The following SLC10A1 variants were observed in gnomAD, a reference collection of about 807,000 sequenced individuals.
SLC10A1 encodes solute carrier family 10 member 1.
Under a neutral mutation model 20.5 loss-of-function variants are expected in SLC10A1, and 36 were observed. The observed-to-expected ratio is 1.75, with a 90% CI of 1.34 to 2.32. SLC10A1 has a LOEUF of 2.32. SLC10A1 is among the 30% of genes most tolerant of loss of function. The pLI, the probability that SLC10A1 is intolerant of heterozygous loss-of-function variation, is 0.00. For missense variants in SLC10A1, 545 were observed against 439.1 expected (o/e 1.24, Z -2.16); for synonymous variants, 188 against 163.6 (o/e 1.15, Z -1.14).
intron 2 of SLC10A1, among the ~76,000 whole-genome samples, chr14:69,785,117 C>T (rs2139716160): frequency 6.6e-6 from 1 of 152,050 alleles, no homozygotes; most frequent in South Asian, 2.1e-4. Context: ...TTCCTGAGGA[C>T]CAGGATGACC....
At position 69,778,524 on chromosome 14, in the gene SLC10A1, C is replaced by T. The variant is rs1883508063; in HGVS notation, c.752G>A (p.Arg251Lys). Residue 251 changes from arginine (R) to lysine (K), a missense_variant, in exon 4 of 5, where the codon AGA becomes AAA. Coordinates refer to ENST00000216540, the MANE Select transcript of SLC10A1 (RefSeq NM_003049.4). ...TCCAGTCTCCATGCTGACAGTGCGT[C>T]TGCACCTGTGCCGGTGAAGAAAACC... ...SALFCLNGRCRRTVSMETGCQ... is the reference protein window; with the variant it reads ...SALFCLNGRCKRTVSMETGCQ... 2 of 1,600,332 alleles carry T rather than the reference C, an allele frequency of 1.2e-6. No individual in the cohort carries two copies. Among genetic ancestry groups the T allele is most frequent in the Non-Finnish European group, 1.7e-6 (2 of 1,174,476 alleles).
intron 1 of SLC10A1, among the ~76,000 whole-genome samples, chr14:69,795,603 G>A (rs1882373209): frequency 6.6e-6 from 1 of 151,924 alleles, no homozygotes; most frequent in South Asian, 2.1e-4. Flanking sequence ...TGTAGACACA[G>A]GGTTTTGCTA....
At chr14:69,788,388 C>A (rs1883771492) in intron 1 of SLC10A1, among the ~76,000 whole-genome samples, 1 of 152,004 alleles carries the variant, frequency 6.6e-6, no homozygotes, top group Non-Finnish European at 1.5e-5. Flanking sequence ...AAAGCACGAA[C>A]AGCCAAAGAA....
intron 1 of SLC10A1, among the ~76,000 whole-genome samples, chr14:69,796,595 T>C (rs1229781143): frequency 6.6e-6 from 1 of 152,168 alleles, no homozygotes; most frequent in Non-Finnish European, 1.5e-5. Flanking sequence ...TCCCTTTGGC[T>C]TGGTGCCTAA....
At chr14:69,783,370 C>T (rs902059840) in intron 2 of SLC10A1, among the ~76,000 whole-genome samples, 1 of 152,130 alleles carries the variant, frequency 6.6e-6, no homozygotes, top group Non-Finnish European at 1.5e-5. Flanking sequence ...CAGGGGTTAG[C>T]TGGAGTGTTG....
chr14:69,779,252 A>T lies in SLC10A1; in HGVS notation c.676T>A (p.Ser226Thr). ...FAMTPLLIAT[S>T]SLMPFIGFLL... is the part of the protein sequence containing the mutation. ...AAGCCAATAAAAGGCATCAGGGAGG[A>T]GGTGGCAATCAAGAGTGGTGTCATG... The change falls in exon 3 of 5, where the codon TCC becomes ACC. Residue 226 changes from serine (S) to threonine (T), a missense_variant. By Grantham distance (58) the Ser-to-Thr change is moderately conservative. Transcript: ENST00000216540. The T allele has an allele frequency of 6.2e-7, 1 of 1,613,860 alleles. No homozygotes were observed. The highest frequency in any genetic ancestry group is 8.5e-7 in the Non-Finnish European group (1 of 1,179,928).
rs746231283 is a variant in SLC10A1, at chr14:69,797,097, T to A, written c.59A>T (p.Lys20Met). The change falls in exon 1 of 5, where the codon AAG becomes ATG. Residue 20 changes from lysine to methionine, a missense_variant. Coordinates refer to ENST00000216540, the MANE Select transcript of SLC10A1 (RefSeq NM_003049.4). ...FNFTLPPNFG[K>M]RPTDLALSVI... is the part of the protein sequence containing the mutation. ...GCTCAGTGCCAGGTCTGTGGGGCGC[T>A]TGCCAAAGTTGGGTGGCAGGGTGAA... 6.2e-7 allele frequency: 1 copy of A among 1,614,024 alleles called. No individual in the cohort carries two copies. The highest frequency in any genetic ancestry group is 1.1e-5 in the South Asian group (1 of 91,074).
rs190268737 is a variant in SLC10A1, at chr14:69,779,233, A to G, written c.695T>C (p.Ile232Thr). The G allele has an allele frequency of 4.0e-5, 64 of 1,613,982 alleles. 1 individual carries two copies. In the Admixed American group the frequency reaches 1.1e-3, roughly 26 times the overall value. The change falls in exon 3 of 5, where the codon ATT becomes ACT. Residue 232 changes from isoleucine (I) to threonine (T), a missense_variant. Transcript: ENST00000216540. ...GAGAACATAACCCAGCAGAAAGCCA[A>G]TAAAAGGCATCAGGGAGGAGGTGGC... is the stretch of plus-strand genomic sequence containing the variant. ...LIATSSLMPF[I>T]GFLLGYVLSA...
At chr14:69,778,945 A>G (rs1883517482) in intron 3 of SLC10A1, among the ~76,000 whole-genome samples, 1 of 152,154 alleles carries the variant, frequency 6.6e-6, no homozygotes, top group Admixed American at 6.5e-5. Context: ...CAGGTGGATC[A>G]CTTGAGCTCA....
chr14:69,782,526 G>T (rs971085111), intron 2 of SLC10A1, among the ~76,000 whole-genome samples: 1 of 152,142 alleles, frequency 6.6e-6, no homozygotes, highest in East Asian at 1.9e-4. Context: ...TGAGATTCTC[G>T]GCAAGGTGTG....
At chr14:69,776,578 A>G (rs1241222305) in intron 4 of SLC10A1, among the ~76,000 whole-genome samples, 190 bp from the exon 5 acceptor site, 1 of 152,188 alleles carries the variant, frequency 6.6e-6, no homozygotes, top group Non-Finnish European at 1.5e-5. Flanking sequence ...CCCTAATGGT[A>G]GTACTAGTAG....
chr14:69,787,089 C>G lies in SLC10A1; in HGVS notation c.357-782G>C, dbSNP rs1300597515. On this transcript the variant is annotated intron_variant, in intron 1 of 4. Coordinates refer to ENST00000216540, the MANE Select transcript of SLC10A1 (RefSeq NM_003049.4). ...CATGTTGAGTAAGTGACAAGATAAC[C>G]TGGTCAGATTTGCTTTGCATCTTGG... 2.6e-5 allele frequency among the ~76,000 whole-genome samples: 4 copies of G among 152,266 alleles called. No homozygotes were observed. In the East Asian group the frequency reaches 7.7e-4, roughly 29 times the overall value.
At chr14:69,782,524 T>G (rs149391980) in intron 2 of SLC10A1, among the ~76,000 whole-genome samples, 1,752 of 152,288 alleles carry the variant, frequency 0.012, 37 homozygotes, top group African/African-American at 0.04. Flanking sequence ...TCTGAGATTC[T>G]CGGCAAGGTG....
At chr14:69,781,204 A>G (rs1236462424) in intron 2 of SLC10A1, among the ~76,000 whole-genome samples, 2 of 152,182 alleles carry the variant, frequency 1.3e-5, no homozygotes, top group African/African-American at 4.8e-5. Context: ...TTAACATTCT[A>G]GAGGTTCCTG....
At chr14:69,777,181 A>G (rs898883257) in intron 4 of SLC10A1, among the ~76,000 whole-genome samples, 2 of 152,180 alleles carry the variant, frequency 1.3e-5, no homozygotes, top group African/African-American at 2.4e-5. Context: ...GAGGGCAGCA[A>G]ATCTCTTGCG....
At chr14:69,790,071 A>G (rs886613894) in intron 1 of SLC10A1, among the ~76,000 whole-genome samples, 1 of 152,144 alleles carries the variant, frequency 6.6e-6, no homozygotes, top group African/African-American at 2.4e-5. Context: ...CATTAAGGAC[A>G]TTTTCATACT....
chr14:69,789,037 T>C (rs549077161), intron 1 of SLC10A1, among the ~76,000 whole-genome samples: 30 of 152,332 alleles, frequency 2.0e-4, no homozygotes, highest in African/African-American at 7.0e-4. Context: ...TCTACTAGCA[T>C]GGCTATAATT....
At chr14:69,788,269 A>G (rs1057040160) in intron 1 of SLC10A1, among the ~76,000 whole-genome samples, 2 of 152,170 alleles carry the variant, frequency 1.3e-5, no homozygotes, top group African/African-American at 4.8e-5. Context: ...TATATCATCA[A>G]ATATGAAATC....
chr14:69,786,308 C>T lies in SLC10A1; in HGVS notation c.357-1G>A, dbSNP rs748759248. 6 of 1,613,468 alleles carry T rather than the reference C, an allele frequency of 3.7e-6. No homozygotes were observed. The Admixed American group carries it at 6.7e-5, about 18-fold the overall frequency. ...GGTGGAGCAGGTGGTCATCACAATGCTGGTGGGAGACATGGGAAGAGGGGA... is the reference window on the plus strand; with the variant it reads ...GGTGGAGCAGGTGGTCATCACAATGTTGGTGGGAGACATGGGAAGAGGGGA... On this transcript the variant is annotated splice_acceptor_variant, in intron 1 of 4. Transcript: ENST00000216540. LOFTEE classifies it high-confidence loss of function.
Sources: allele counts gnomAD v4.1 joint callset (sites outside exome capture counted in the v4.1 genomes callset), GRCh38; gene constraint gnomAD v4.1.1; transcripts MANE v1.5; gene names NCBI Gene and HGNC (gene_info 2026-07-23, HGNC 2026-07-21).